PLGRKT: variants seen among roughly 807,000 people sequenced by gnomAD.
The protein encoded by PLGRKT is plasminogen receptor (KT).
A neutral mutation model predicts 18.5 loss-of-function variants in PLGRKT; 22 were observed. That is an observed-to-expected ratio of 1.19 (90% CI 0.85 to 1.70). The LOEUF is 1.70. Among genes scored for constraint, PLGRKT ranks in the 40% most tolerant of loss-of-function variants. PLGRKT has a pLI of 0.00. For missense variants in PLGRKT, 235 were observed against 174.4 expected, an observed-to-expected ratio of 1.35 and a Z score of -1.96; for synonymous variants, 72 against 52.8, an observed-to-expected ratio of 1.36 and a Z score of -1.58.
chr9:5,402,856 G>T (rs1818181655), intron 3 of PLGRKT, among the ~76,000 whole-genome samples: 1 of 151,908 alleles, frequency 6.6e-6, no homozygotes, highest in South Asian at 2.1e-4. Flanking sequence ...ATGATGGTTA[G>T]CACAAATCAG....
chr9:5,384,778 C>A (rs910470230), intron 3 of PLGRKT, among the ~76,000 whole-genome samples: 2 of 152,008 alleles, frequency 1.3e-5, no homozygotes, highest in African/African-American at 2.4e-5. Flanking sequence ...ACTCCCCACA[C>A]AAAAACCAGC....
chr9:5,414,902 T>G (rs966792581), intron 3 of PLGRKT, among the ~76,000 whole-genome samples: 14 of 152,228 alleles, frequency 9.2e-5, no homozygotes, highest in Non-Finnish European at 1.6e-4. Flanking sequence ...CAATATGAAC[T>G]TCTGGTTTAG....
At chr9:5,358,397 G>A (rs751466611) in intron 5 of PLGRKT, 37 bp from the exon 6 acceptor site, 11 of 1,604,002 alleles carry the variant, frequency 6.9e-6, no homozygotes, top group Admixed American at 1.7e-5. Context: ...GGTGACAAAG[G>A]GGTCATCAGC....
intron 2 of PLGRKT, among the ~76,000 whole-genome samples, chr9:5,432,875 G>C (rs1268549416): frequency 6.6e-6 from 1 of 152,254 alleles, no homozygotes. Flanking sequence ...GCCTGCCTTG[G>C]CCTCCCAAAG....
At chr9:5,435,385 T>C (rs1401078137) in intron 2 of PLGRKT, among the ~76,000 whole-genome samples, 2 of 151,768 alleles carry the variant, frequency 1.3e-5, no homozygotes, top group African/African-American at 2.4e-5. Context: ...TTATTCTTCC[T>C]GTCATCCCAC....
chr9:5,369,315 T>C (rs1817465399), intron 3 of PLGRKT, among the ~76,000 whole-genome samples: 1 of 152,214 alleles, frequency 6.6e-6, no homozygotes, highest in Admixed American at 6.5e-5. Context: ...AAGACATTTA[T>C]GCAGCCAACA....
chr9:5,384,303 A>G (rs1016616069), intron 3 of PLGRKT, among the ~76,000 whole-genome samples: 6 of 152,250 alleles, frequency 3.9e-5, no homozygotes, highest in African/African-American at 1.4e-4. Context: ...GAACAGAACA[A>G]GACAGGGGAA....
At chr9:5,381,039 T>C (rs1163134743) in intron 3 of PLGRKT, among the ~76,000 whole-genome samples, 3 of 152,258 alleles carry the variant, frequency 2.0e-5, no homozygotes, top group Admixed American at 1.3e-4. Flanking sequence ...TGTTTCTCCT[T>C]CACCTTCTGC....
intron 3 of PLGRKT, among the ~76,000 whole-genome samples, chr9:5,365,380 C>T (rs1817362823): frequency 6.6e-6 from 1 of 152,138 alleles, no homozygotes; most frequent in Non-Finnish European, 1.5e-5. Flanking sequence ...AAATAAATAT[C>T]CATAAGCCTA....
In PLGRKT at chr9:5,436,405, C is replaced by A. The variant is rs553179352; in HGVS notation, c.-7+164G>T. ...CTGCAAACATTTATAAAGAAAACAA[C>A]TGTACTCTAGTACTATTCCTCCACA... is the stretch of plus-strand genomic sequence containing the variant. On this transcript the variant is annotated intron_variant, in intron 2 of 5. Coordinates refer to ENST00000223864, the MANE Select transcript of PLGRKT (RefSeq NM_018465.4). Among the ~76,000 whole-genome samples, 15 of 152,354 alleles carry A rather than the reference C, an allele frequency of 9.8e-5. No individual in the cohort carries two copies. The South Asian group carries it at 3.1e-3, about 32-fold the overall frequency.
In PLGRKT at chr9:5,385,349, A is replaced by G. The variant is rs148678336; in HGVS notation, c.82-23461T>C. On this transcript the variant is annotated intron_variant, in intron 3 of 5. Coordinates refer to ENST00000223864, the MANE Select transcript of PLGRKT (RefSeq NM_018465.4). Reference sequence around the variant, plus strand: ...ACATCTTGGTATATGTCTTTTATCCACCACACCTGGCTAATTTTTTGCATT... The same window carrying G: ...ACATCTTGGTATATGTCTTTTATCCGCCACACCTGGCTAATTTTTTGCATT... Among the ~76,000 whole-genome samples, 79 of 151,844 alleles carry G rather than the reference A, an allele frequency of 5.2e-4. 2 individuals carry two copies. The Middle Eastern group carries it at 0.01, about 20-fold the overall frequency.
intron 3 of PLGRKT, among the ~76,000 whole-genome samples, chr9:5,368,383 A>G (rs958292983): frequency 6.6e-6 from 1 of 152,224 alleles, no homozygotes; most frequent in Admixed American, 6.5e-5. Context: ...CATATACATC[A>G]TGGAATACTA....
In PLGRKT at chr9:5,368,272, G is replaced by A. The variant is rs142469417; in HGVS notation, c.82-6384C>T. 6.3e-4 allele frequency among the ~76,000 whole-genome samples: 96 copies of A among 152,130 alleles called. No homozygotes were observed. In the South Asian group the frequency reaches 0.018, roughly 29 times the overall value. Reference sequence around the variant, plus strand: ...AAATAAATAATTTGACAAAAAAGACGTATCTACTCATATTTTCATCGCAGC... The same window carrying A: ...AAATAAATAATTTGACAAAAAAGACATATCTACTCATATTTTCATCGCAGC... On this transcript the variant is annotated intron_variant, in intron 3 of 5. Coordinates refer to ENST00000223864, the MANE Select transcript of PLGRKT (RefSeq NM_018465.4).
chr9:5,407,430 G>C (rs541274994), intron 3 of PLGRKT, among the ~76,000 whole-genome samples: 1 of 152,226 alleles, frequency 6.6e-6, no homozygotes, highest in Non-Finnish European at 1.5e-5. Flanking sequence ...GATATAATTT[G>C]AAACACTTCA....
intron 3 of PLGRKT, among the ~76,000 whole-genome samples, chr9:5,397,794 G>A (rs991088309): frequency 6.6e-6 from 1 of 151,960 alleles, no homozygotes; most frequent in Non-Finnish European, 1.5e-5. Flanking sequence ...GATACAGGGA[G>A]CATTGGCTGC....
intron 3 of PLGRKT, among the ~76,000 whole-genome samples, chr9:5,367,667 G>A (rs1038480799): frequency 5.3e-5 from 8 of 152,084 alleles, no homozygotes; most frequent in African/African-American, 1.9e-4. Flanking sequence ...AACCATTCGG[G>A]ACATTGATCT....
intron 3 of PLGRKT, among the ~76,000 whole-genome samples, chr9:5,394,794 T>C (rs894094781): frequency 1.3e-5 from 2 of 151,918 alleles, no homozygotes; most frequent in Non-Finnish European, 2.9e-5. Context: ...CATAGTTTCC[T>C]GTATCAGTGA....
chr9:5,385,391 T>C (rs1243329266), intron 3 of PLGRKT, among the ~76,000 whole-genome samples: 1 of 151,744 alleles, frequency 6.6e-6, no homozygotes, highest in Non-Finnish European at 1.5e-5. Flanking sequence ...AGAGACATGG[T>C]TTCACTGTGT....
At chr9:5,377,870 C>G (rs527615170) in intron 3 of PLGRKT, among the ~76,000 whole-genome samples, 2 of 152,070 alleles carry the variant, frequency 1.3e-5, no homozygotes, top group East Asian at 1.9e-4. Flanking sequence ...GAGCTGATAT[C>G]GAGGCAATTC....
Sources: gnomAD v4.1 joint callset for allele counts (sites outside exome capture counted in the v4.1 genomes callset) on GRCh38, gnomAD v4.1.1 for gene constraint, MANE v1.5 for transcripts, NCBI Gene and HGNC (gene_info 2026-07-23, HGNC 2026-07-21) for gene names.